The following BCAP31 variants were observed in gnomAD, a reference collection of about 807,000 sequenced individuals.
The protein encoded by BCAP31 is B-cell receptor-associated protein 31.
For synonymous variants in BCAP31, 75 were observed against 80.9 expected (o/e 0.93, Z 0.39); for missense variants, 124 against 193.0 (o/e 0.64, Z 2.12).
intron 3 of BCAP31, among the ~76,000 whole-genome samples, chrX:153,717,330 A>G (rs782612468): frequency 8.9e-6 from 1 of 112,608 alleles, no homozygotes; most frequent in Non-Finnish European, 1.9e-5. Context: ...GCTTTTCCCC[A>G]TGCATCCTGA....
At chrX:153,723,090 G>C in intron 2 of BCAP31, 63 bp downstream of exon 2, 1 of 1,170,551 alleles carries the variant, frequency 8.5e-7, no homozygotes, top group Middle Eastern at 2.8e-4. Context: ...GCACACACCA[G>C]TCCCAGGGCT....
chrX:153,705,991 G>A (rs1288214833), intron 4 of BCAP31, among the ~76,000 whole-genome samples: 1 of 111,945 alleles, frequency 8.9e-6, no homozygotes, highest in Admixed American at 9.4e-5. Flanking sequence ...GGCCCTTCCC[G>A]GCTATTGAGA....
chrX:153,713,882 T>C (rs1318877082), intron 4 of BCAP31, among the ~76,000 whole-genome samples: 1 of 73,952 alleles, frequency 1.4e-5, no homozygotes, highest in Non-Finnish European at 2.4e-5. Context: ...GATACTATTC[T>C]TTTTTTTTTT....
At chrX:153,710,996 C>T (rs2091587701) in intron 4 of BCAP31, among the ~76,000 whole-genome samples, 1 of 111,677 alleles carries the variant, frequency 9.0e-6, no homozygotes, top group Admixed American at 9.5e-5. Flanking sequence ...CCGGAAGCAC[C>T]CTATCCTGCT....
At chrX:153,720,565 C>T (rs965858666) in intron 3 of BCAP31, among the ~76,000 whole-genome samples, 8 of 111,439 alleles carry the variant, frequency 7.2e-5, no homozygotes, top group Non-Finnish European at 1.5e-4. Context: ...GGTTTCACCA[C>T]GTTGGCCAGG....
intron 1 of BCAP31, chrX:153,723,786 C>CAATTGTGTAGAT: frequency 1.1e-6 from 1 of 887,344 alleles, no homozygotes; most frequent in Admixed American, 3.5e-5. Flanking sequence ...GACGCCCCCG[C>CAATTGTGTAGAT]CTCCCACCGT....
At chrX:153,723,836 A>G in intron 1 of BCAP31, 1 of 679,325 alleles carries the variant, frequency 1.5e-6, no homozygotes, top group South Asian at 2.4e-5. Flanking sequence ...ACCTCCCTCG[A>G]GGATCCAGCG....
intron 6 of BCAP31, 169 bp from the exon 7 acceptor site, chrX:153,702,276 G>T: frequency 2.3e-6 from 1 of 430,888 alleles, no homozygotes; most frequent in South Asian, 3.7e-5. Context: ...GGCCCCCAAA[G>T]TAGAGGGAAA....
In BCAP31 at chrX:153,721,045, G is replaced by A. The variant is rs181673572; in HGVS notation, c.93-73C>T. On this transcript the variant is annotated intron_variant, in intron 2 of 7. Coordinates refer to ENST00000345046, the MANE Select transcript of BCAP31 (RefSeq NM_001256447.2). ...CGAGCTCTAGGGCCCTGAGCAAAAT[G>A]GAAATCCAGCTTTGTACTCTTCTCC... 2.4e-4 allele frequency: 220 copies of A among 934,401 alleles called. 3 individuals carry two copies. The Admixed American group carries it at 5.2e-3, about 22-fold the overall frequency. 77.0% of individuals were successfully genotyped at this position (934,401 alleles called of 1,213,427 possible).
At chrX:153,723,686 G>A (rs1557051624) in intron 1 of BCAP31, 3 of 1,154,278 alleles carry the variant, frequency 2.6e-6, no homozygotes, top group East Asian at 6.6e-5. Flanking sequence ...TTCCCCGCCA[G>A]GCAGAACTCA....
intron 3 of BCAP31, among the ~76,000 whole-genome samples, chrX:153,719,394 T>G (rs1320729200): frequency 8.9e-6 from 1 of 112,326 alleles, no homozygotes; most frequent in African/African-American, 3.2e-5. Context: ...AAAGAGCTAC[T>G]ACCTCTTGGG....
intron 3 of BCAP31, among the ~76,000 whole-genome samples, chrX:153,716,578 C>CAAA (rs782072647): frequency 3.3e-4 from 9 of 27,323 alleles, no homozygotes; most frequent in Admixed American, 4.5e-4. Context: ...TCTCTCTCAA[C>CAAA]AAAAAAAAAA....
At chrX:153,708,130 A>T (rs2091566490) in intron 4 of BCAP31, among the ~76,000 whole-genome samples, 1 of 112,915 alleles carries the variant, frequency 8.9e-6, no homozygotes, top group African/African-American at 3.2e-5. Context: ...TGGAAGACAC[A>T]TGGCAGCCCC....
At chrX:153,704,619 C>T (rs2091542376) in intron 4 of BCAP31, among the ~76,000 whole-genome samples, 2 of 112,021 alleles carry the variant, frequency 1.8e-5, no homozygotes, top group African/African-American at 6.5e-5. Flanking sequence ...TACCCAAGGC[C>T]AAAAACCAGA....
chrX:153,716,797 AT>A (rs1557050193), intron 3 of BCAP31, among the ~76,000 whole-genome samples: 1 of 111,385 alleles, frequency 9.0e-6, no homozygotes, highest in Non-Finnish European at 1.9e-5. Context: ...AAACAAAAAA[AT>A]AGGAGTCAAG....
intron 4 of BCAP31, among the ~76,000 whole-genome samples, chrX:153,708,870 C>A (rs1557048677): frequency 8.9e-6 from 1 of 112,563 alleles, no homozygotes; most frequent in Non-Finnish European, 1.9e-5. Context: ...AGCCTCCCAG[C>A]ACACAGACGC....
At chrX:153,718,002 TAAG>T (rs1198958876) in intron 3 of BCAP31, among the ~76,000 whole-genome samples, 1 of 111,809 alleles carries the variant, frequency 8.9e-6, no homozygotes, top group Admixed American at 9.5e-5. Flanking sequence ...ACATGATCTT[TAAG>T]AAGAATGAGA....
chrX:153,703,043 C>T lies in BCAP31; in HGVS notation c.493G>A (p.Gly165Arg), dbSNP rs782530683. 1.6e-5 allele frequency: 19 copies of T among 1,208,600 alleles called. No homozygotes were observed. Among genetic ancestry groups the T allele is most frequent in the South Asian group, 8.8e-5 (5 of 56,839 alleles). Residue 165 changes from glycine to arginine, a missense_variant, in exon 6 of 8, where the codon GGA becomes AGA. Transcript: ENST00000345046. ...GCATTCCCGACATCCAACTTGCCTCCGTCAACAGCAGCTCCCTGGGAAAAG... is the reference window on the plus strand; with the variant it reads ...GCATTCCCGACATCCAACTTGCCTCTGTCAACAGCAGCTCCCTGGGAAAAG... ...DQLKKGAAVDGGKLDVGNAEV... is the reference protein window; with the variant it reads ...DQLKKGAAVDRGKLDVGNAEV...
intron 4 of BCAP31, chrX:153,705,083 G>A (rs2091545341): frequency 8.9e-6 from 1 of 112,768 alleles, no homozygotes; most frequent in Non-Finnish European, 1.9e-5. Context: ...CACCTCAGAA[G>A]GCAAGGGTCA....
Sources: allele counts gnomAD v4.1 joint callset (sites outside exome capture counted in the v4.1 genomes callset), GRCh38; gene constraint gnomAD v4.1.1; transcripts MANE v1.5; gene names NCBI Gene and HGNC (gene_info 2026-07-23, HGNC 2026-07-21).